DCUN1D5: variants seen among roughly 807,000 people sequenced by gnomAD.
DCUN1D5 encodes the protein DCN1-like protein 5.
Under a neutral mutation model 38.3 loss-of-function variants are expected in DCUN1D5, and 10 were observed. The observed-to-expected ratio is 0.26, with a 90% CI of 0.16 to 0.44. The LOEUF is 0.44. Among genes scored for constraint, DCUN1D5 ranks in the 20% least tolerant of loss-of-function variants. The pLI is 1.00. For missense variants in DCUN1D5, 148 were observed against 275.3 expected (o/e 0.54, Z 3.27); for synonymous variants, 93 against 90.9 (o/e 1.02, Z -0.13).
chr11:103,082,549 C>G (rs1278019028), intron 4 of DCUN1D5, among the ~76,000 whole-genome samples, 199 bp downstream of exon 4: 1 of 151,952 alleles, frequency 6.6e-6, no homozygotes, highest in Non-Finnish European at 1.5e-5. Flanking sequence ...AAGGTTCTTT[C>G]TTAGAGAATA....
rs548985842 is a variant in DCUN1D5 at position 103,091,466 on chromosome 11, C to G, written c.86+321G>C. 994 of 241,566 alleles carry G rather than the reference C, an allele frequency of 4.1e-3. 5 individuals are homozygous for G. The highest frequency in any genetic ancestry group is 5.9e-3 in the Non-Finnish European group (810 of 136,800). 15.0% of individuals were successfully genotyped at this position (241,566 alleles called of 1,614,324 possible). On this transcript the variant is annotated intron_variant, in intron 1 of 7. Coordinates refer to ENST00000260247, the MANE Select transcript of DCUN1D5 (RefSeq NM_032299.4). This position sits in a 1 kb window ranked among gnomAD's most constrained non-coding sequence, Gnocchi z 4.3. The stretch of plus-strand genomic sequence containing the variant: ...GAGGAGCGATACGGGAGTAGGGGAT[C>G]GAGGGTCGGTTGTGGGGTGGGGGTG...
chr11:103,056,131 A>G lies in DCUN1D5; in HGVS notation c.*6228T>C, dbSNP rs543327814. 6.6e-5 allele frequency among the ~76,000 whole-genome samples: 10 copies of G among 152,190 alleles called. No individual in the cohort carries two copies. The East Asian group carries it at 1.9e-3, about 29-fold the overall frequency. ...GTACCATTTGTCACCTGGATTTACC[A>G]TATTATCTTCCTACTACTACCTGCT... On this transcript the variant is annotated 3_prime_UTR_variant, in exon 8 of 8. Transcript: ENST00000260247. The surrounding 1 kb of genome is among the most constrained non-coding windows in gnomAD (Gnocchi z 4.9).
rs1012994318 is a variant in DCUN1D5 at position 103,059,500 on chromosome 11, G to A, written c.*2859C>T. ...AGAAACACTAATCTAGAGTGCTTCT[G>A]AGTAAAAACCAATAAAATCTATACA... On this transcript the variant is annotated 3_prime_UTR_variant, in exon 8 of 8. Transcript: ENST00000260247. Among the ~76,000 whole-genome samples, 20 of 152,210 alleles carry A rather than the reference G, an allele frequency of 1.3e-4. No homozygotes were observed. The highest frequency in any genetic ancestry group is 4.8e-4 in the African/African-American group (20 of 41,536).
chr11:103,079,310 G>T (rs1172425013), intron 4 of DCUN1D5, among the ~76,000 whole-genome samples: 2 of 152,162 alleles, frequency 1.3e-5, no homozygotes, highest in African/African-American at 4.8e-5. Context: ...GTATTGTAAT[G>T]TTTTCCCTGA....
At position 103,062,318 on chromosome 11, in the gene DCUN1D5, G is replaced by A. The variant is rs769862299; in HGVS notation, c.*41C>T. The A allele has an allele frequency of 1.1e-5, 17 of 1,596,548 alleles. No homozygotes were observed. Among genetic ancestry groups the A allele is most frequent in the African/African-American group, 9.4e-5 (7 of 74,496 alleles). ...CCTCATCACATTAGCTTGTATACAC[G>A]TGGGAATTGAAAGGTTTGCATTTTC... On this transcript the variant is annotated 3_prime_UTR_variant, in exon 8 of 8. Coordinates refer to ENST00000260247, the MANE Select transcript of DCUN1D5 (RefSeq NM_032299.4). The surrounding 1 kb of genome is among the most constrained non-coding windows in gnomAD (Gnocchi z 4.6).
At chr11:103,085,110 A>G (rs772080702) in intron 2 of DCUN1D5, among the ~76,000 whole-genome samples, 6 of 152,212 alleles carry the variant, frequency 3.9e-5, no homozygotes, top group Admixed American at 2.6e-4. Flanking sequence ...AGTTGCCATT[A>G]GTGATTCAAA....
intron 1 of DCUN1D5, among the ~76,000 whole-genome samples, chr11:103,090,315 A>T (rs1395692394): frequency 6.6e-6 from 1 of 152,190 alleles, no homozygotes; most frequent in Non-Finnish European, 1.5e-5. Context: ...AACCATGTCA[A>T]ATTCTAATGT....
chr11:103,074,275 T>G (rs189873494), intron 4 of DCUN1D5, among the ~76,000 whole-genome samples: 1 of 152,140 alleles, frequency 6.6e-6, no homozygotes, highest in African/African-American at 2.4e-5. Context: ...GTAAAAAAAT[T>G]TATCTTCCAT....
In DCUN1D5 at chr11:103,062,289, T is replaced by G. The variant is rs375034579; in HGVS notation, c.*70A>C. 1 of 1,442,062 alleles carries G rather than the reference T, an allele frequency of 6.9e-7. No homozygotes were observed. Among genetic ancestry groups the G allele is most frequent in the African/African-American group, 1.4e-5 (1 of 70,552 alleles). 89.3% of individuals were successfully genotyped at this position (1,442,062 alleles called of 1,614,324 possible). On this transcript the variant is annotated 3_prime_UTR_variant, in exon 8 of 8. Transcript: ENST00000260247. The surrounding 1 kb of genome is among the most constrained non-coding windows in gnomAD (Gnocchi z 4.6). ...TGAAAATGCACCCGTTGGATTTTTT[T>G]CCCCCTCATCACATTAGCTTGTATA... is the stretch of plus-strand genomic sequence containing the variant.
At chr11:103,089,417 G>GTTTT (rs59324738) in intron 1 of DCUN1D5, 99 bp from the exon 2 acceptor site, 93 of 945,716 alleles carry the variant, frequency 9.8e-5, no homozygotes, top group African/African-American at 9.6e-4. Context: ...TTAAACAAAG[G>GTTTT]TTTTTTTTTT....
chr11:103,072,688 C>T (rs1413085712), intron 4 of DCUN1D5, among the ~76,000 whole-genome samples: 1 of 143,348 alleles, frequency 7.0e-6, no homozygotes. Context: ...CATGTTCTCA[C>T]TCATAGGTGG....
rs1862436618 is a variant in DCUN1D5, at chr11:103,077,405, A to T, written c.341+5343T>A. On this transcript the variant is annotated intron_variant, in intron 4 of 7. Transcript: ENST00000260247. The surrounding 1 kb of genome is among the most constrained non-coding windows in gnomAD (Gnocchi z 4.3). ...AAAGAATATTTCCTCCGAAATAAAAAGAAATGCATACTTAACTAGCGTACT... is the reference window on the plus strand; with the variant it reads ...AAAGAATATTTCCTCCGAAATAAAATGAAATGCATACTTAACTAGCGTACT... Among the ~76,000 whole-genome samples the T allele has an allele frequency of 6.6e-6, 1 of 152,238 alleles. No homozygotes were observed. The highest frequency in any genetic ancestry group is 2.4e-5 in the African/African-American group (1 of 41,466).
chr11:103,055,239 A>AAGTT lies in DCUN1D5; in HGVS notation c.*7116_*7119dup, dbSNP rs1479407669. 1 of 152,162 alleles carries AAGTT rather than the reference A, an allele frequency of 6.6e-6. No individual in the cohort carries two copies. 9.4% of individuals were successfully genotyped at this position (152,162 alleles called of 1,614,324 possible). ...TTGTGGCATCATGTCAACACTCAAA[A>AAGTT]AGTTTTGGATTTTGAAGCATTTTGA... On this transcript the variant is annotated 3_prime_UTR_variant, in exon 8 of 8. Transcript: ENST00000260247.
rs757653373 is a variant in DCUN1D5 at position 103,092,141 on chromosome 11, C to G, written c.-269G>C. 2 of 426,530 alleles carry G rather than the reference C, an allele frequency of 4.7e-6. No individual in the cohort carries two copies. Among genetic ancestry groups the G allele is most frequent in the African/African-American group, 4.1e-5 (2 of 48,622 alleles). The allele number at this position is 426,530 out of a possible 1,614,324, so 26.4% of individuals were successfully genotyped here. The stretch of plus-strand genomic sequence containing the variant: ...GGAGATAACGCGGACAGCGCGGCAG[C>G]TCCACCAGTCACAGCAAGCAAGAGG... On this transcript the variant is annotated 5_prime_UTR_variant, in exon 1 of 8. Coordinates refer to ENST00000260247, the MANE Select transcript of DCUN1D5 (RefSeq NM_032299.4).
rs1264239722 is a variant in DCUN1D5 at position 103,078,566 on chromosome 11, ATC to A, written c.341+4180_341+4181del. Among the ~76,000 whole-genome samples the A allele has an allele frequency of 3.9e-5, 6 of 152,212 alleles. No homozygotes were observed. The highest frequency in any genetic ancestry group is 1.2e-4 in the African/African-American group (5 of 41,456). Reference sequence around the variant, plus strand: ...TCTTTTAAAATTCCTGTGCTTTAAAATCTCTGATGGTTTCCCAATATCTGTAA... The same window carrying A: ...TCTTTTAAAATTCCTGTGCTTTAAAATCTGATGGTTTCCCAATATCTGTAA... On this transcript the variant is annotated intron_variant, in intron 4 of 7. Transcript: ENST00000260247. The surrounding 1 kb of genome is among the most constrained non-coding windows in gnomAD (Gnocchi z 4.6).
At position 103,083,173 on chromosome 11, in the gene DCUN1D5, A is replaced by C. The variant is rs1466532146; in HGVS notation, c.249+83T>G. ...CATGAAGAAATAAAATCTTCATACA[A>C]GATTAAAGTGTCTCGATTTTTAGTA... is the stretch of plus-strand genomic sequence containing the variant. On this transcript the variant is annotated intron_variant, in intron 3 of 7. Coordinates refer to ENST00000260247, the MANE Select transcript of DCUN1D5 (RefSeq NM_032299.4). This position sits in a 1 kb window ranked among gnomAD's most constrained non-coding sequence, Gnocchi z 4.4. 2.8e-6 allele frequency: 2 copies of C among 718,526 alleles called. No individual in the cohort carries two copies. Among genetic ancestry groups the C allele is most frequent in the Admixed American group, 2.4e-5 (1 of 41,824 alleles). 44.5% of individuals were successfully genotyped at this position (718,526 alleles called of 1,614,324 possible). A position where few individuals can be genotyped will look rare whatever the true frequency, so the allele number is the denominator to read the frequency against.
intron 2 of DCUN1D5, among the ~76,000 whole-genome samples, chr11:103,084,223 CTT>C (rs1478211923): frequency 1.3e-5 from 2 of 151,994 alleles, no homozygotes; most frequent in Non-Finnish European, 2.9e-5. Flanking sequence ...AAAATATAAT[CTT>C]GAGATATTAT....
intron 4 of DCUN1D5, among the ~76,000 whole-genome samples, chr11:103,067,268 C>T (rs1177409509): frequency 6.6e-6 from 1 of 152,100 alleles, no homozygotes. Flanking sequence ...TTGATAAATT[C>T]CACTGTTTAG....
Position 103,086,602 on chromosome 11 carries a change from A to C in DCUN1D5, c.178+2625T>G, listed in dbSNP as rs1445922228. On this transcript the variant is annotated intron_variant, in intron 2 of 7. Coordinates refer to ENST00000260247, the MANE Select transcript of DCUN1D5 (RefSeq NM_032299.4). The surrounding 1 kb of genome is among the most constrained non-coding windows in gnomAD (Gnocchi z 4.1). ...TTTATTATCCTTATAACTCCCCACA[A>C]TCTGTACTTATCTTGCCTACATACC... Among the ~76,000 whole-genome samples, 1 of 151,868 alleles carries C rather than the reference A, an allele frequency of 6.6e-6. No individual in the cohort carries two copies. Among genetic ancestry groups the C allele is most frequent in the East Asian group, 1.9e-4 (1 of 5,166 alleles).
Sources: allele counts gnomAD v4.1 joint callset (sites outside exome capture counted in the v4.1 genomes callset), GRCh38; gene constraint gnomAD v4.1.1; non-coding constraint Gnocchi (gnomAD v3.1); transcripts MANE v1.5; gene names NCBI Gene and HGNC (gene_info 2026-07-23, HGNC 2026-07-21).